Variants in ILRUN observed in about 807,000 individuals in gnomAD.
ILRUN encodes protein ILRUN.
In ILRUN, 3 loss-of-function variants were observed where a neutral mutation model predicts 33.8. That is an observed-to-expected ratio of 0.09 (90% CI 0.04 to 0.23). The LOEUF is 0.23. ILRUN is among the 10% of genes least tolerant of loss of function. The probability of loss-of-function intolerance (pLI) is 1.00; values close to 1 mark genes in which losing one functional copy is unlikely to be tolerated. For synonymous variants in ILRUN, 124 were observed against 138.9 expected (o/e 0.89, Z 0.75); for missense variants, 210 against 375.1 (o/e 0.56, Z 3.64).
intron 1 of ILRUN, among the ~76,000 whole-genome samples, chr6:34,669,125 A>G (rs1763063557): frequency 6.6e-6 from 1 of 150,594 alleles, no homozygotes; most frequent in African/African-American, 2.4e-5. Context: ...GATTACAAGC[A>G]TGAGTCTTTT....
chr6:34,604,946 A>T (rs188111032), intron 4 of ILRUN, among the ~76,000 whole-genome samples: 20 of 152,224 alleles, frequency 1.3e-4, no homozygotes, highest in African/African-American at 2.2e-4. Context: ...CTTTCCTACT[A>T]GACCATGTGA....
chr6:34,639,495 G>A (rs1392018215), intron 3 of ILRUN, among the ~76,000 whole-genome samples: 1 of 152,128 alleles, frequency 6.6e-6, no homozygotes, highest in Admixed American at 6.6e-5. Flanking sequence ...CTAAAACAAG[G>A]ACAATCACTC....
chr6:34,600,901 C>T (rs981689131), intron 4 of ILRUN, among the ~76,000 whole-genome samples: 1 of 152,228 alleles, frequency 6.6e-6, no homozygotes, highest in Non-Finnish European at 1.5e-5. Context: ...TAAGAGAACA[C>T]AGCATGCTTA....
At chr6:34,609,600 G>A (rs554853648) in intron 3 of ILRUN, among the ~76,000 whole-genome samples, 2 of 152,226 alleles carry the variant, frequency 1.3e-5, no homozygotes, top group Non-Finnish European at 2.9e-5. Context: ...CTGGATGACA[G>A]AGTGAGAGCC....
At chr6:34,633,643 T>C (rs1199763446) in intron 3 of ILRUN, among the ~76,000 whole-genome samples, 1 of 150,752 alleles carries the variant, frequency 6.6e-6, no homozygotes, top group Non-Finnish European at 1.5e-5. Flanking sequence ...TTGAAGCCAG[T>C]AGTTTGAGAC....
intron 1 of ILRUN, among the ~76,000 whole-genome samples, chr6:34,683,429 C>CGT (rs1763422617): frequency 3.3e-5 from 3 of 92,110 alleles, no homozygotes; most frequent in African/African-American, 1.6e-4. Flanking sequence ...CATATATATA[C>CGT]ATATATATAT....
At chr6:34,694,937 G>C (rs1319956444) in intron 1 of ILRUN, among the ~76,000 whole-genome samples, 2 of 151,740 alleles carry the variant, frequency 1.3e-5, no homozygotes, top group Non-Finnish European at 2.9e-5. Context: ...TGTAGTCCCA[G>C]CTGCTGGGGA....
intron 4 of ILRUN, among the ~76,000 whole-genome samples, chr6:34,591,912 G>A (rs1256247976): frequency 6.6e-6 from 1 of 152,176 alleles, no homozygotes; most frequent in Non-Finnish European, 1.5e-5. Context: ...ACATGATAAG[G>A]TTTATTCCAA....
intron 1 of ILRUN, among the ~76,000 whole-genome samples, chr6:34,659,302 T>C (rs888600896): frequency 2.6e-5 from 4 of 152,240 alleles, no homozygotes; most frequent in African/African-American, 7.2e-5. Flanking sequence ...ACATGTTTCC[T>C]GATAAAATAC....
rs138529451 is a variant in ILRUN, at chr6:34,654,719, G to A, written c.219C>T (p.Pro73=). 528 of 1,614,078 alleles carry A rather than the reference G, an allele frequency of 3.3e-4. 2 individuals are homozygous for A. The highest frequency in any genetic ancestry group is 1.3e-3 in the Middle Eastern group (8 of 6,062). The part of the protein sequence containing the change: ...YDFESPNISV[P]SMSFVEDVTI... ...TGACATCTTCAACAAAGGACATAGA[G>A]GGCACACTGATGTTTGGGCTCTCAA... Residue 73 remains proline (P), a synonymous_variant, in exon 2 of 5, where the codon CCC becomes CCT. Transcript: ENST00000374023.
chr6:34,592,401 C>T lies in ILRUN; in HGVS notation c.862-1801G>A, dbSNP rs959132030. Reference sequence around the variant, plus strand: ...CATGGCTGTCAGCCCGAGCCAACCACGCCTCTAGCAGACGAGCTATGAACC... The same window carrying T: ...CATGGCTGTCAGCCCGAGCCAACCATGCCTCTAGCAGACGAGCTATGAACC... On this transcript the variant is annotated intron_variant, in intron 4 of 4. Coordinates refer to ENST00000374023, the MANE Select transcript of ILRUN (RefSeq NM_024294.4). This position sits in a 1 kb window ranked among gnomAD's most constrained non-coding sequence, Gnocchi z 4.0. Among the ~76,000 whole-genome samples the T allele has an allele frequency of 3.9e-5, 6 of 152,220 alleles. No individual in the cohort carries two copies. Among genetic ancestry groups the T allele is most frequent in the East Asian group, 3.9e-4 (2 of 5,186 alleles).
At chr6:34,672,979 G>A (rs1763147577) in intron 1 of ILRUN, among the ~76,000 whole-genome samples, 1 of 152,112 alleles carries the variant, frequency 6.6e-6, no homozygotes, top group South Asian at 2.1e-4. Context: ...TTTTCAGAGA[G>A]GGAAGAAAAC....
At chr6:34,668,757 T>TAA (rs1171307244) in intron 1 of ILRUN, among the ~76,000 whole-genome samples, 2 of 151,754 alleles carry the variant, frequency 1.3e-5, no homozygotes, top group African/African-American at 4.8e-5. Context: ...CTCTGCAGCC[T>TAA]AAAACTCCTG....
At chr6:34,624,361 T>G (rs774851743) in intron 3 of ILRUN, among the ~76,000 whole-genome samples, 27 of 152,184 alleles carry the variant, frequency 1.8e-4, no homozygotes, top group Admixed American at 3.9e-4. Context: ...TTCACTCTTC[T>G]TGCCCAGGCT....
chr6:34,645,975 T>C (rs1437109559), intron 3 of ILRUN, among the ~76,000 whole-genome samples: 2 of 152,108 alleles, frequency 1.3e-5, no homozygotes, highest in Admixed American at 6.6e-5. Flanking sequence ...TTCAAAAAAC[T>C]TGTGTAGTAT....
intron 3 of ILRUN, among the ~76,000 whole-genome samples, chr6:34,618,625 C>T (rs567482645): frequency 3.9e-5 from 6 of 152,312 alleles, no homozygotes; most frequent in Non-Finnish European, 5.9e-5. Context: ...CACTGCATCA[C>T]GTCAATAATC....
intron 3 of ILRUN, among the ~76,000 whole-genome samples, chr6:34,618,968 C>T (rs913982085): frequency 6.6e-6 from 1 of 152,170 alleles, no homozygotes; most frequent in Non-Finnish European, 1.5e-5. Flanking sequence ...AGGACAGAGT[C>T]ACCAGCTGAG....
intron 3 of ILRUN, among the ~76,000 whole-genome samples, chr6:34,615,813 C>T (rs777435907): frequency 1.3e-5 from 2 of 152,136 alleles, no homozygotes; most frequent in African/African-American, 2.4e-5. Flanking sequence ...TGCAGGGAAA[C>T]GCTCCCTTTC....
chr6:34,674,708 T>A (rs1655216041), intron 1 of ILRUN, among the ~76,000 whole-genome samples: 2 of 152,106 alleles, frequency 1.3e-5, no homozygotes, highest in Non-Finnish European at 1.5e-5. Flanking sequence ...TTGGATAAAA[T>A]GAAAATTAAA....
Sources: allele counts gnomAD v4.1 joint callset (sites outside exome capture counted in the v4.1 genomes callset), GRCh38; gene constraint gnomAD v4.1.1; non-coding constraint Gnocchi (gnomAD v3.1); transcripts MANE v1.5; gene names NCBI Gene and HGNC (gene_info 2026-07-23, HGNC 2026-07-21).